THSD4: variants seen among roughly 807,000 people sequenced by gnomAD.
THSD4 encodes the protein thrombospondin type 1 domain containing 4, also known as thrombospondin type-1 domain-containing protein 4.
A neutral mutation model predicts 119.0 loss-of-function variants in THSD4; 69 were observed. The ratio of observed to expected loss-of-function variants is 0.58; its 90% CI spans 0.48 to 0.71. The LOEUF (loss-of-function observed/expected upper bound fraction) is 0.71. Ranked by LOEUF, THSD4 falls within the 30% of genes least tolerant of loss-of-function variation. The pLI is 0.00. For missense variants in THSD4, 1,393 were observed against 1,391.1 expected (o/e 1.00, Z -0.02); for synonymous variants, 524 against 540.4 (o/e 0.97, Z 0.42).
chr15:71,754,142 C>T (rs577777102), intron 14 of THSD4, among the ~76,000 whole-genome samples: 1 of 141,046 alleles, frequency 7.1e-6, no homozygotes, highest in East Asian at 2.1e-4. Context: ...AGTACAGTGG[C>T]ATGATTTCGG....
intron 15 of THSD4, among the ~76,000 whole-genome samples, chr15:71,762,143 G>A (rs189931413): frequency 3.4e-4 from 46 of 134,174 alleles, no homozygotes; most frequent in Admixed American, 2.1e-3. Context: ...TCTCATGCGC[G>A]TGTGCAAACA....
intron 3 of THSD4, among the ~76,000 whole-genome samples, chr15:71,199,852 ATGCATGTGTGGGGTGTGTGTGTGTGTGG>A (rs1567155024): frequency 1.2e-4 from 10 of 83,946 alleles, no homozygotes; most frequent in East Asian, 9.4e-4. Flanking sequence ...GCTGTGTGTG[ATGCATGTGTGGGGTGTGTGTGTGTGTGG>A]TGCATGTGTG....
intron 7 of THSD4, among the ~76,000 whole-genome samples, chr15:71,476,857 G>C (rs567994150): frequency 6.6e-6 from 1 of 152,060 alleles, no homozygotes; most frequent in African/African-American, 2.4e-5. Context: ...GTTTACTTTT[G>C]GAAAAGTGAG....
chr15:71,400,224 T>TCA (rs2046509803), intron 6 of THSD4, among the ~76,000 whole-genome samples: 1 of 152,162 alleles, frequency 6.6e-6, no homozygotes, highest in South Asian at 2.1e-4. Context: ...AGGTTTGGGG[T>TCA]ATTAGGCAAT....
intron 7 of THSD4, among the ~76,000 whole-genome samples, chr15:71,635,213 G>A (rs897791182): frequency 2.6e-5 from 4 of 152,130 alleles, no homozygotes; most frequent in Non-Finnish European, 4.4e-5. Flanking sequence ...TGTGAACATC[G>A]GAGAAAAGCC....
intron 3 of THSD4, among the ~76,000 whole-genome samples, chr15:71,208,106 C>G (rs890049267): frequency 7.2e-5 from 11 of 152,158 alleles, no homozygotes; most frequent in African/African-American, 2.7e-4. Context: ...GCTGGAAATT[C>G]AAATTCCAGG....
chr15:71,105,988 G>C (rs909051515), intron 1 of THSD4, among the ~76,000 whole-genome samples: 2 of 152,176 alleles, frequency 1.3e-5, no homozygotes, highest in Non-Finnish European at 1.5e-5. Flanking sequence ...AGAGGGTTTG[G>C]GGGGTGGGAC....
At chr15:71,342,136 T>TA (rs59764881) in intron 6 of THSD4, among the ~76,000 whole-genome samples, 2,537 of 149,296 alleles carry the variant, frequency 0.017, 81 homozygotes, top group African/African-American at 0.058. Context: ...CGCTTCTTCA[T>TA]AAAAAAAAAA....
intron 7 of THSD4, among the ~76,000 whole-genome samples, chr15:71,531,237 G>A (rs2048605865): frequency 6.6e-6 from 1 of 152,126 alleles, no homozygotes; most frequent in South Asian, 2.1e-4. Flanking sequence ...CAGACCTAAG[G>A]ACTTCCTCAT....
At chr15:71,767,226 G>C (rs781455213) in intron 16 of THSD4, 11 of 152,158 alleles carry the variant, frequency 7.2e-5, no homozygotes, top group Non-Finnish European at 1.5e-4. Flanking sequence ...TTACAAATTT[G>C]AGTTTGGAAC....
At chr15:71,132,689 T>G (rs190254154) in intron 1 of THSD4, among the ~76,000 whole-genome samples, 147 of 152,348 alleles carry the variant, frequency 9.6e-4, no homozygotes, top group African/African-American at 3.4e-3. Context: ...CCTCATTGGG[T>G]GTGTTCCACT....
At chr15:71,648,988 A>C (rs1314301509) in intron 7 of THSD4, among the ~76,000 whole-genome samples, 1 of 152,234 alleles carries the variant, frequency 6.6e-6, no homozygotes, top group Admixed American at 6.5e-5. Flanking sequence ...TGTAATGTGC[A>C]TTATTAGGAA....
At chr15:71,322,110 A>G (rs1014433044) in intron 6 of THSD4, among the ~76,000 whole-genome samples, 2 of 152,122 alleles carry the variant, frequency 1.3e-5, no homozygotes, top group African/African-American at 2.4e-5. Flanking sequence ...TTTAAAATTC[A>G]TTGACGTTTA....
chr15:71,699,210 C>CA (rs2052232563), intron 8 of THSD4, among the ~76,000 whole-genome samples: 1 of 73,008 alleles, frequency 1.4e-5, no homozygotes, highest in Non-Finnish European at 2.3e-5. Flanking sequence ...ATAGCTACAG[C>CA]TTTTTTTTTT....
chr15:71,141,516 A>T lies in THSD4; in HGVS notation c.-12A>T, dbSNP rs1050321290. The T allele has an allele frequency of 6.2e-6, 10 of 1,608,126 alleles. No individual in the cohort carries two copies. The African/African-American group carries it at 1.2e-4, about 19-fold the overall frequency. On this transcript the variant is annotated 5_prime_UTR_variant, in exon 2 of 18. Transcript: ENST00000261862. Reference sequence around the variant, plus strand: ...CTGAAGAGCCCTTGCTTTTGCCTGGACCCCCAGCATCATGGTTTCCCATTT... The same window carrying T: ...CTGAAGAGCCCTTGCTTTTGCCTGGTCCCCCAGCATCATGGTTTCCCATTT...
intron 6 of THSD4, among the ~76,000 whole-genome samples, chr15:71,256,988 A>G (rs1421274138): frequency 6.6e-6 from 1 of 152,230 alleles, no homozygotes; most frequent in Non-Finnish European, 1.5e-5. Flanking sequence ...AGGGGGACAG[A>G]ACAGGGTTCA....
intron 8 of THSD4, among the ~76,000 whole-genome samples, chr15:71,671,256 G>A (rs1425975426): frequency 1.3e-5 from 2 of 152,172 alleles, no homozygotes; most frequent in African/African-American, 2.4e-5. Flanking sequence ...ATTTTTTCAT[G>A]TGTCTGTTGG....
In THSD4 at chr15:71,336,038, G is replaced by C. The variant is rs558969285; in HGVS notation, c.1016-75649G>C. The stretch of plus-strand genomic sequence containing the variant: ...TCAATCATTGGGGAGAGATCACCTC[G>C]GTGGATGGCCTTTCGCATTGCAATC... On this transcript the variant is annotated intron_variant, in intron 6 of 17. Transcript: ENST00000261862. Among the ~76,000 whole-genome samples the C allele has an allele frequency of 1.4e-4, 22 of 152,250 alleles. No individual in the cohort carries two copies. The South Asian group carries it at 2.9e-3, about 20-fold the overall frequency.
intron 7 of THSD4, among the ~76,000 whole-genome samples, chr15:71,482,414 C>T (rs1006259135): frequency 6.6e-6 from 1 of 151,846 alleles, no homozygotes; most frequent in African/African-American, 2.4e-5. Flanking sequence ...CCTCAGCCTC[C>T]CGAGTAGCTG....
Sources: gnomAD v4.1 joint callset for allele counts (sites outside exome capture counted in the v4.1 genomes callset) on GRCh38, gnomAD v4.1.1 for gene constraint, MANE v1.5 for transcripts, NCBI Gene and HGNC (gene_info 2026-07-23, HGNC 2026-07-21) for gene names.